Variants in BIRC6 observed in about 807,000 individuals in gnomAD.
BIRC6 encodes the protein baculoviral IAP repeat containing 6, also known as dual E2 ubiquitin-conjugating enzyme/E3 ubiquitin-protein ligase BIRC6.
Under a neutral mutation model 503.3 loss-of-function variants are expected in BIRC6, and 98 were observed. That is an observed-to-expected ratio of 0.19 (90% CI 0.17 to 0.23). The LOEUF is 0.23. Among genes scored for constraint, BIRC6 ranks in the 10% least tolerant of loss-of-function variants. The pLI is 1.00. For missense variants in BIRC6, 5,360 were observed against 5,806.0 expected, an observed-to-expected ratio of 0.92 and a Z score of 2.50; for synonymous variants, 2,240 against 2,078.7, an observed-to-expected ratio of 1.08 and a Z score of -2.11.
At position 32,518,941 on chromosome 2, in the gene BIRC6, T is replaced by C; in HGVS notation, c.11618T>C (p.Val3873Ala). The C allele has an allele frequency of 1.2e-6, 2 of 1,613,430 alleles. No individual in the cohort carries two copies. Among genetic ancestry groups the C allele is most frequent in the Non-Finnish European group, 1.7e-6 (2 of 1,179,596 alleles). Residue 3873 changes from valine to alanine, a missense_variant, in exon 57 of 74, where the codon GTG (valine) becomes GCG (alanine). Around this residue, in one of 16 missense-constraint regions of BIRC6, gnomAD observed 878 missense variants for 928.9 expected, o/e 0.95. Transcript: ENST00000421745. ...STTLSDVLDR[V>A]SDTPSITAKL... ...ACATTATCAGATGTTCTTGACAGAGTGTCAGGCAAGTCAGATTTAAGTATT... is the reference window on the plus strand; with the variant it reads ...ACATTATCAGATGTTCTTGACAGAGCGTCAGGCAAGTCAGATTTAAGTATT...
At chr2:32,507,357 G>A (rs528296417) in intron 50 of BIRC6, among the ~76,000 whole-genome samples, 2 of 152,298 alleles carry the variant, frequency 1.3e-5, no homozygotes, top group East Asian at 3.9e-4. Flanking sequence ...TTGAACCTGG[G>A]AGTTGGAGGT....
At position 32,406,564 on chromosome 2, in the gene BIRC6, A is replaced by G. The variant is rs1275520126; in HGVS notation, c.1477+7A>G. 2 of 1,594,940 alleles carry G rather than the reference A, an allele frequency of 1.3e-6. No individual in the cohort carries two copies. Among genetic ancestry groups the G allele is most frequent in the South Asian group, 2.2e-5 (2 of 90,120 alleles). On this transcript the variant is annotated splice_region_variant and intron_variant, in intron 9 of 73. Transcript: ENST00000421745. ...AGATCAGATTCTGTGACAGGTATGT[A>G]AAAAGTATTAGATAATGTATTTAAA... is the stretch of plus-strand genomic sequence containing the variant.
At chr2:32,358,874 G>A (rs1359989758) in intron 1 of BIRC6, among the ~76,000 whole-genome samples, 1 of 152,204 alleles carries the variant, frequency 6.6e-6, no homozygotes, top group Non-Finnish European at 1.5e-5. Context: ...CCCAGATGTA[G>A]CAGTGAACAG....
intron 64 of BIRC6, 24 bp downstream of exon 64, chr2:32,548,038 T>C (rs773672331): frequency 1.3e-6 from 2 of 1,547,044 alleles, no homozygotes; most frequent in East Asian, 2.3e-5. Context: ...CTTGATATTG[T>C]TCATGATAAT....
intron 33 of BIRC6, among the ~76,000 whole-genome samples, chr2:32,474,140 C>A (rs958509072): frequency 2.6e-5 from 4 of 151,730 alleles, no homozygotes; most frequent in African/African-American, 7.3e-5. Context: ...AAGCTTTGGG[C>A]TTTTCAAATT....
intron 68 of BIRC6, 141 bp downstream of exon 68, chr2:32,595,285 A>C: frequency 1.8e-6 from 1 of 560,542 alleles, no homozygotes; most frequent in Non-Finnish European, 3.1e-6. Context: ...AACATTTTTT[A>C]TCATCTTTGC....
intron 23 of BIRC6, among the ~76,000 whole-genome samples, chr2:32,460,751 A>G (rs1275893018): frequency 6.6e-6 from 1 of 151,822 alleles, no homozygotes; most frequent in Non-Finnish European, 1.5e-5. Context: ...TGATTCACTT[A>G]GTTTTCCCTG....
chr2:32,457,741 T>TA (rs2047406733), intron 23 of BIRC6, among the ~76,000 whole-genome samples: 1 of 152,130 alleles, frequency 6.6e-6, no homozygotes, highest in Non-Finnish European at 1.5e-5. Context: ...GTCTGAAAAA[T>TA]ACTCTTAAGA....
chr2:32,596,710 C>T (rs995069978), intron 68 of BIRC6, among the ~76,000 whole-genome samples: 1 of 152,118 alleles, frequency 6.6e-6, no homozygotes, highest in Non-Finnish European at 1.5e-5. Flanking sequence ...GATTTCGTTC[C>T]GCTTCCTGGG....
rs1046545948 is a variant in BIRC6, at chr2:32,510,142, A to G, written c.10237+148A>G. ...CTCCTCTCTTCTCTGATGGAGTCTC[A>G]CTCTGTTGCCCAGGCTGGAGTGCAG... is the stretch of plus-strand genomic sequence containing the variant. On this transcript the variant is annotated intron_variant, in intron 52 of 73. Coordinates refer to ENST00000421745, the MANE Select transcript of BIRC6 (RefSeq NM_016252.4). The G allele has an allele frequency of 4.9e-6, 5 of 1,019,012 alleles. No individual in the cohort carries two copies. The South Asian group carries it at 8.4e-5, about 17-fold the overall frequency. The allele number at this position is 1,019,012 out of a possible 1,614,324, so 63.1% of individuals were successfully genotyped here.
At chr2:32,543,638 A>G in intron 62 of BIRC6, 97 bp downstream of exon 62, 10 of 1,224,160 alleles carry the variant, frequency 8.2e-6, no homozygotes, top group East Asian at 2.5e-5. Context: ...TTTCCTTCAT[A>G]GTTAAGCTGT....
intron 59 of BIRC6, 86 bp downstream of exon 59, chr2:32,525,714 T>A: frequency 7.4e-7 from 1 of 1,343,956 alleles, no homozygotes. Context: ...CAAAATCATT[T>A]TAATCAGGTG....
intron 33 of BIRC6, 80 bp from the exon 34 acceptor site, chr2:32,476,133 G>A (rs564216502): frequency 5.7e-6 from 6 of 1,051,506 alleles, no homozygotes; most frequent in Non-Finnish European, 8.1e-6. Context: ...TTAGTTTGAT[G>A]TATGAATTCT....
At chr2:32,367,354 C>G (rs528372293) in intron 1 of BIRC6, among the ~76,000 whole-genome samples, 1 of 151,474 alleles carries the variant, frequency 6.6e-6, no homozygotes, top group Non-Finnish European at 1.5e-5. Context: ...CCCAGCTATT[C>G]GGGAGGCTGA....
intron 5 of BIRC6, among the ~76,000 whole-genome samples, chr2:32,392,645 CAG>C (rs1386046765): frequency 1.3e-5 from 2 of 152,088 alleles, no homozygotes; most frequent in African/African-American, 4.8e-5. Context: ...GTCTTTGAGA[CAG>C]GGTCTCACTC....
At chr2:32,451,866 G>T (rs901696777) in intron 22 of BIRC6, among the ~76,000 whole-genome samples, 2 of 152,156 alleles carry the variant, frequency 1.3e-5, no homozygotes, top group African/African-American at 4.8e-5. Flanking sequence ...ATTAGAGAGT[G>T]TAATTTTCCA....
chr2:32,411,512 CTG>C (rs2041883635), intron 9 of BIRC6, among the ~76,000 whole-genome samples: 1 of 146,690 alleles, frequency 6.8e-6, no homozygotes, highest in Admixed American at 6.9e-5. Context: ...GGATCTCACT[CTG>C]TTGTCCAGGC....
At chr2:32,369,314 A>G (rs1573686412) in intron 1 of BIRC6, among the ~76,000 whole-genome samples, 4 of 152,320 alleles carry the variant, frequency 2.6e-5, no homozygotes, top group African/African-American at 2.4e-5. Flanking sequence ...AATTTCAAAT[A>G]TGAGCTCTAA....
At chr2:32,380,432 C>T (rs780150753) in intron 3 of BIRC6, 142 bp downstream of exon 3, 44 of 1,206,752 alleles carry the variant, frequency 3.6e-5, no homozygotes, top group Non-Finnish European at 4.8e-5. Context: ...TATAAGTCAT[C>T]TTAAAGTTGA....
Sources: allele counts gnomAD v4.1 joint callset (sites outside exome capture counted in the v4.1 genomes callset), GRCh38; gene constraint gnomAD v4.1.1; regional missense constraint gnomAD v4.1.1; transcripts MANE v1.5; gene names NCBI Gene and HGNC (gene_info 2026-07-23, HGNC 2026-07-21).